The following TNRC6A variants were observed in gnomAD, a reference collection of about 807,000 sequenced individuals.
The protein encoded by TNRC6A is trinucleotide repeat-containing gene 6A protein.
In TNRC6A, 44 loss-of-function variants were observed where a neutral mutation model predicts 221.2. That is an observed-to-expected ratio of 0.20 (90% CI 0.16 to 0.26). The LOEUF is 0.26. Ranked by LOEUF, TNRC6A falls within the 10% of genes least tolerant of loss-of-function variation. The pLI is 1.00. For synonymous variants in TNRC6A, 847 were observed against 838.5 expected (o/e 1.01, Z -0.18); for missense variants, 2,199 against 2,404.4 (o/e 0.91, Z 1.79).
In TNRC6A at chr16:24,791,231, T is replaced by A; in HGVS notation, c.2589T>A (p.Asn863Lys). 6.2e-7 allele frequency: 1 copy of A among 1,614,160 alleles called. No individual in the cohort carries two copies. Residue 863 changes from asparagine (N) to lysine (K), a missense_variant, in exon 6 of 25, where the codon AAT becomes AAA. Asn to Lys is a moderately conservative substitution (Grantham distance 94, BLOSUM62 0). This residue lies in a region of TNRC6A where 1,405 missense variants were observed against 1,400.2 expected (regional missense o/e 1.00). Coordinates refer to ENST00000395799, the MANE Select transcript of TNRC6A (RefSeq NM_014494.4). ...ASDNWGETSRNNHWGEANKKS... is the reference protein window; with the variant it reads ...ASDNWGETSRKNHWGEANKKS... ...ATAACTGGGGAGAAACTTCAAGGAATAACCATTGGGGTGAGGCCAATAAGA... is the reference window on the plus strand; with the variant it reads ...ATAACTGGGGAGAAACTTCAAGGAAAAACCATTGGGGTGAGGCCAATAAGA...
chr16:24,823,950 T>C lies in TNRC6A; in HGVS notation c.*143T>C, dbSNP rs544392597. 9.4e-6 allele frequency: 7 copies of C among 742,964 alleles called. No individual in the cohort carries two copies. The highest frequency in any genetic ancestry group is 5.4e-5 in the African/African-American group (3 of 55,572). 46.0% of individuals were successfully genotyped at this position (742,964 alleles called of 1,614,324 possible). ...TCCACTTTGTTTTCCCCAAAACATA[T>C]CAGTTTGAATACTTGAATCATGCAG... On this transcript the variant is annotated 3_prime_UTR_variant, in exon 25 of 25. Coordinates refer to ENST00000395799, the MANE Select transcript of TNRC6A (RefSeq NM_014494.4). This position sits in a 1 kb window ranked among gnomAD's most constrained non-coding sequence, Gnocchi z 4.3.
At chr16:24,672,740 C>T (rs1483996562) in intron 2 of TNRC6A, among the ~76,000 whole-genome samples, 1 of 150,860 alleles carries the variant, frequency 6.6e-6, no homozygotes, top group Non-Finnish European at 1.5e-5. Flanking sequence ...AGCCGCTGTG[C>T]CTGGCCTGTT....
intron 1 of TNRC6A, among the ~76,000 whole-genome samples, chr16:24,613,073 AC>A (rs1294907096): frequency 1.4e-5 from 2 of 138,214 alleles, no homozygotes; most frequent in African/African-American, 5.5e-5. Context: ...CCGAGATCGC[AC>A]CATTGCGCTC....
At chr16:24,707,350 GCACACACACACA>G (rs34395729) in intron 2 of TNRC6A, among the ~76,000 whole-genome samples, 4 of 149,620 alleles carry the variant, frequency 2.7e-5, no homozygotes, top group East Asian at 2.0e-4. Context: ...GAACATGGGC[GCACACACACACA>G]CACACACACA....
intron 11 of TNRC6A, 77 bp from the exon 12 acceptor site, chr16:24,804,100 T>C: frequency 6.9e-7 from 1 of 1,456,520 alleles, no homozygotes; most frequent in Non-Finnish European, 9.2e-7. Flanking sequence ...AAAGTGAGTG[T>C]TTTGCTTTTG....
At chr16:24,661,205 G>A (rs1241622001) in intron 2 of TNRC6A, among the ~76,000 whole-genome samples, 2 of 151,972 alleles carry the variant, frequency 1.3e-5, no homozygotes, top group Non-Finnish European at 2.9e-5. Context: ...TGTACCTAAT[G>A]TTCAGTTTTT....
intron 17 of TNRC6A, among the ~76,000 whole-genome samples, chr16:24,808,468 A>C (rs2058478822): frequency 1.3e-5 from 2 of 152,252 alleles, no homozygotes; most frequent in Non-Finnish European, 2.9e-5. Flanking sequence ...GTGCTGCACC[A>C]GCAGAGTTGC....
rs1567483043 is a variant in TNRC6A at position 24,791,434 on chromosome 16, C to T, written c.2792C>T (p.Ser931Phe). The change falls in exon 6 of 25, where the codon TCT becomes TTT. Residue 931 changes from serine (S) to phenylalanine (F), a missense_variant. Ser to Phe is a radical substitution (Grantham distance 155, BLOSUM62 -2). This residue lies in a region of TNRC6A where 1,405 missense variants were observed against 1,400.2 expected (regional missense o/e 1.00). Transcript: ENST00000395799. Reference protein sequence around the residue: ...GWGDPPKSNQSLGWGDSSKPV... With the variant: ...GWGDPPKSNQFLGWGDSSKPV... Reference sequence around the variant, plus strand: ...GGAGACCCTCCAAAGTCTAATCAGTCTCTAGGTTGGGGAGATTCGTCAAAG... The same window carrying T: ...GGAGACCCTCCAAAGTCTAATCAGTTTCTAGGTTGGGGAGATTCGTCAAAG... The T allele has an allele frequency of 3.9e-6, 6 of 1,540,902 alleles. No individual in the cohort carries two copies. The highest frequency in any genetic ancestry group is 5.2e-6 in the Non-Finnish European group (6 of 1,147,186).
intron 4 of TNRC6A, among the ~76,000 whole-genome samples, chr16:24,772,410 G>T (rs1254023046): frequency 1.3e-5 from 2 of 151,844 alleles, no homozygotes; most frequent in Admixed American, 6.6e-5. Flanking sequence ...AAGACTTCGG[G>T]AGGCAGACAG....
chr16:24,820,438 A>G (rs936423193), intron 22 of TNRC6A, 78 bp downstream of exon 22: 5 of 1,310,060 alleles, frequency 3.8e-6, no homozygotes, highest in Middle Eastern at 1.9e-4. Flanking sequence ...AGTTTAACAG[A>G]GACCTGAACG....
In TNRC6A at chr16:24,777,006, C is replaced by T. The variant is rs2057732626; in HGVS notation, c.237C>T (p.Thr79=). 1 of 1,614,072 alleles carries T rather than the reference C, an allele frequency of 6.2e-7. No individual in the cohort carries two copies. Among genetic ancestry groups the T allele is most frequent in the Admixed American group, 1.7e-5 (1 of 60,012 alleles). Residue 79 remains threonine, a synonymous_variant, in exon 5 of 25, where the codon ACC becomes ACT. Transcript: ENST00000395799. ...ANSNNGTSTA[T]STNNNAKRAT... is the part of the protein sequence containing the mutation. ...CTAATAACGGCACTTCCACAGCAACCAGCACTAATAATAATGCCAAGCGAG... is the reference window on the plus strand; with the variant it reads ...CTAATAACGGCACTTCCACAGCAACTAGCACTAATAATAATGCCAAGCGAG...
At chr16:24,786,315 GTT>G (rs375709254) in intron 5 of TNRC6A, among the ~76,000 whole-genome samples, 17,832 of 112,040 alleles carry the variant, frequency 0.16, 1,427 homozygotes, top group African/African-American at 0.27. Flanking sequence ...TGTTGTTGTT[GTT>G]TTGTTTTGTT....
At chr16:24,803,183 C>T (rs1468013023) in intron 11 of TNRC6A, among the ~76,000 whole-genome samples, 1 of 152,130 alleles carries the variant, frequency 6.6e-6, no homozygotes, top group Non-Finnish European at 1.5e-5. Context: ...CTTTGGGAGG[C>T]CAAGGCAGGC....
At position 24,669,512 on chromosome 16, in the gene TNRC6A, C is replaced by T. The variant is rs530104299; in HGVS notation, n.402+28503C>T. 2.0e-5 allele frequency among the ~76,000 whole-genome samples: 3 copies of T among 152,106 alleles called. No individual in the cohort carries two copies. In the South Asian group the frequency reaches 6.2e-4, roughly 32 times the overall value. On this transcript the variant is annotated intron_variant and non_coding_transcript_variant, in intron 2 of 2. Transcript: ENST00000566108. ...CAAAAAAAAAAAAATCCTATAGCTC[C>T]CATAGGATTCCCTGGTTGTTTGTTG...
chr16:24,627,600 C>G (rs574250170), intron 1 of TNRC6A, among the ~76,000 whole-genome samples: 50 of 152,104 alleles, frequency 3.3e-4, no homozygotes, highest in African/African-American at 1.2e-3. Flanking sequence ...TTTCTCTACC[C>G]TGGTTCTGCC....
chr16:24,647,858 G>A (rs1355738380), intron 2 of TNRC6A, among the ~76,000 whole-genome samples: 2 of 152,046 alleles, frequency 1.3e-5, no homozygotes, highest in African/African-American at 4.8e-5. Flanking sequence ...ATGATCAGCT[G>A]TCTCAGCCTC....
Position 24,692,712 on chromosome 16 carries a change from T to TA in TNRC6A, n.402+51712dup, listed in dbSNP as rs966163977. Among the ~76,000 whole-genome samples, 3 of 151,004 alleles carry TA rather than the reference T, an allele frequency of 2.0e-5. No individual in the cohort carries two copies. In the South Asian group the frequency reaches 6.3e-4, roughly 32 times the overall value. Reference sequence around the variant, plus strand: ...TAGGCAACAGAGCAAGACCCTGTCTTAAAAAAAAATTATATATATATGTGT... The same window carrying TA: ...TAGGCAACAGAGCAAGACCCTGTCTTAAAAAAAAAATTATATATATATGTGT... On this transcript the variant is annotated intron_variant and non_coding_transcript_variant, in intron 2 of 2. Transcript: ENST00000566108.
Position 24,825,995 on chromosome 16 carries a change from T to G in TNRC6A, c.*2188T>G, listed in dbSNP as rs1210585543. The G allele has an allele frequency of 6.5e-6, 1 of 152,682 alleles. No individual in the cohort carries two copies. Among genetic ancestry groups the G allele is most frequent in the Non-Finnish European group, 1.5e-5 (1 of 68,044 alleles). 9.5% of individuals were successfully genotyped at this position (152,682 alleles called of 1,614,324 possible). On this transcript the variant is annotated 3_prime_UTR_variant, in exon 25 of 25. Coordinates refer to ENST00000395799, the MANE Select transcript of TNRC6A (RefSeq NM_014494.4). ...TCGGACACCTTACTATAAGCAAATG[T>G]TATTCAGTGCGTTCAATGTATATTG...
At chr16:24,766,552 C>G (rs980449505) in intron 4 of TNRC6A, among the ~76,000 whole-genome samples, 12 of 152,056 alleles carry the variant, frequency 7.9e-5, no homozygotes, top group African/African-American at 2.9e-4. Context: ...AGGAATAGGT[C>G]TTAAAACATG....
Sources: gnomAD v4.1 joint callset for allele counts (sites outside exome capture counted in the v4.1 genomes callset) on GRCh38, gnomAD v4.1.1 for gene constraint, gnomAD v4.1.1 regional missense constraint, Gnocchi (gnomAD v3.1) non-coding constraint, MANE v1.5 for transcripts, NCBI Gene and HGNC (gene_info 2026-07-23, HGNC 2026-07-21) for gene names.